Variants in AP3S1 observed in about 807,000 individuals in gnomAD.
The protein encoded by AP3S1 is AP-3 complex subunit sigma-1.
A neutral mutation model predicts 21.3 loss-of-function variants in AP3S1; 12 were observed. The ratio of observed to expected loss-of-function variants is 0.56; its 90% CI spans 0.36 to 0.91. The LOEUF (loss-of-function observed/expected upper bound fraction) is 0.91, where lower values mean the gene tolerates loss of function less well. Ranked by LOEUF, AP3S1 falls within the 40% of genes least tolerant of loss-of-function variation. AP3S1 has a pLI of 0.01. For missense variants in AP3S1, 116 were observed against 225.0 expected (o/e 0.52, Z 3.10); for synonymous variants, 48 against 78.4 (o/e 0.61, Z 2.05).
intron 3 of AP3S1, among the ~76,000 whole-genome samples, chr5:115,871,122 G>A (rs557079559): frequency 9.2e-5 from 14 of 152,278 alleles, no homozygotes; most frequent in Admixed American, 7.8e-4. Context: ...AAGAGTGTAA[G>A]GAAACCTATC....
intron 1 of AP3S1, among the ~76,000 whole-genome samples, chr5:115,861,461 G>C (rs1380919787): frequency 6.6e-6 from 1 of 152,182 alleles, no homozygotes; most frequent in African/African-American, 2.4e-5. Context: ...AAGTAACACG[G>C]CTTGCACATC....
chr5:115,882,894 C>G (rs1165405386), intron 3 of AP3S1, among the ~76,000 whole-genome samples: 1 of 152,182 alleles, frequency 6.6e-6, no homozygotes, highest in African/African-American at 2.4e-5. Context: ...CAGAGATGCC[C>G]TGCTCAGAGA....
At chr5:115,867,245 G>A (rs1763707460) in intron 2 of AP3S1, among the ~76,000 whole-genome samples, 1 of 152,060 alleles carries the variant, frequency 6.6e-6, no homozygotes, top group East Asian at 1.9e-4. Flanking sequence ...ACACATCTAG[G>A]ACAAGCTTAT....
At chr5:115,877,376 G>A (rs192324845) in intron 3 of AP3S1, among the ~76,000 whole-genome samples, 4 of 151,996 alleles carry the variant, frequency 2.6e-5, no homozygotes, top group Admixed American at 6.6e-5. Flanking sequence ...GACAAGTCCC[G>A]GTGTGTGATG....
At chr5:115,869,330 C>T (rs1260696080) in intron 2 of AP3S1, among the ~76,000 whole-genome samples, 1 of 151,882 alleles carries the variant, frequency 6.6e-6, no homozygotes, top group Non-Finnish European at 1.5e-5. Flanking sequence ...TGTCATTCTT[C>T]TTTTTTTTCT....
intron 3 of AP3S1, among the ~76,000 whole-genome samples, chr5:115,894,410 C>T (rs1750569918): frequency 6.6e-6 from 1 of 152,090 alleles, no homozygotes; most frequent in South Asian, 2.1e-4. Flanking sequence ...ACAGCATGGC[C>T]CAAGACCTCC....
intron 3 of AP3S1, among the ~76,000 whole-genome samples, chr5:115,880,188 A>C (rs1030776665): frequency 6.6e-6 from 1 of 151,952 alleles, no homozygotes; most frequent in South Asian, 2.1e-4. Context: ...AGGGTTTTTC[A>C]TGTCTCTGTC....
intron 1 of AP3S1, among the ~76,000 whole-genome samples, chr5:115,864,533 G>A (rs1029482940): frequency 1.3e-5 from 2 of 152,116 alleles, no homozygotes; most frequent in African/African-American, 4.8e-5. Flanking sequence ...AGTCTGGAAG[G>A]GTGACATCAT....
intron 3 of AP3S1, among the ~76,000 whole-genome samples, chr5:115,885,446 T>C (rs1268646031): frequency 2.0e-5 from 3 of 152,208 alleles, no homozygotes; most frequent in Non-Finnish European, 2.9e-5. Flanking sequence ...CTGAAGAACC[T>C]GGAGTCTGAT....
intron 3 of AP3S1, among the ~76,000 whole-genome samples, chr5:115,893,334 T>TA (rs1750479581): frequency 6.6e-6 from 1 of 152,152 alleles, no homozygotes; most frequent in African/African-American, 2.4e-5. Flanking sequence ...GGATGTAGCA[T>TA]ATAGACCATT....
At chr5:115,853,486 C>G (rs988610003) in intron 1 of AP3S1, among the ~76,000 whole-genome samples, 1 of 152,106 alleles carries the variant, frequency 6.6e-6, no homozygotes, top group African/African-American at 2.4e-5. Context: ...TCTAGTTTAT[C>G]TCTTTTTTTC....
At chr5:115,886,276 G>T (rs971476818) in intron 3 of AP3S1, among the ~76,000 whole-genome samples, 1 of 151,996 alleles carries the variant, frequency 6.6e-6, no homozygotes, top group Admixed American at 6.6e-5. Context: ...GAACTGTGTG[G>T]GTCAACTTAT....
chr5:115,849,424 T>C (rs1762281493), intron 1 of AP3S1, among the ~76,000 whole-genome samples: 1 of 152,144 alleles, frequency 6.6e-6, no homozygotes, highest in Non-Finnish European at 1.5e-5. Flanking sequence ...GTCCCTCAAA[T>C]GGGACCACAC....
chr5:115,885,313 A>G (rs1749683953), intron 3 of AP3S1, among the ~76,000 whole-genome samples: 1 of 152,170 alleles, frequency 6.6e-6, no homozygotes, highest in Non-Finnish European at 1.5e-5. Flanking sequence ...AGAAGCCAGT[A>G]GTGGCTCAGT....
intron 3 of AP3S1, among the ~76,000 whole-genome samples, chr5:115,874,310 A>G (rs1001757489): frequency 1.3e-5 from 2 of 152,014 alleles, no homozygotes; most frequent in African/African-American, 4.8e-5. Context: ...CTGTTGTAGC[A>G]TATTGTTATT....
intron 4 of AP3S1, among the ~76,000 whole-genome samples, chr5:115,897,911 C>T (rs2112556125): frequency 6.6e-6 from 1 of 152,198 alleles, no homozygotes; most frequent in East Asian, 1.9e-4. Context: ...TGCACACAAC[C>T]CTCAGACTGC....
At chr5:115,846,421 C>T (rs543230776) in intron 1 of AP3S1, among the ~76,000 whole-genome samples, 2 of 152,298 alleles carry the variant, frequency 1.3e-5, no homozygotes, top group African/African-American at 2.4e-5. Context: ...ACACACCACA[C>T]ACATATTAAG....
chr5:115,866,649 A>T (rs527938115), intron 1 of AP3S1, 21 bp from the exon 2 acceptor site: 13 of 1,517,298 alleles, frequency 8.6e-6, no homozygotes, highest in Admixed American at 1.8e-5. Flanking sequence ...ATCCTAATAT[A>T]TATGAATTAT....
Position 115,841,949 on chromosome 5 carries a change from G to T in AP3S1, c.-89G>T. 6.6e-7 allele frequency: 1 copy of T among 1,524,482 alleles called. No homozygotes were observed. Among genetic ancestry groups the T allele is most frequent in the Non-Finnish European group, 8.8e-7 (1 of 1,134,374 alleles). The allele number at this position is 1,524,482 out of a possible 1,614,324, so 94.4% of individuals were successfully genotyped here. A position where few individuals can be genotyped will look rare whatever the true frequency, so the allele number is the denominator to read the frequency against. On this transcript the variant is annotated 5_prime_UTR_variant, in exon 1 of 6. Transcript: ENST00000316788. ...TCGCGTGCGGGAGGGGGCGGGTGGG[G>T]AAGGATCGCAGGCGAGATTACGAGG...
Sources: gnomAD v4.1 joint callset for allele counts (sites outside exome capture counted in the v4.1 genomes callset) on GRCh38, gnomAD v4.1.1 for gene constraint, MANE v1.5 for transcripts, NCBI Gene and HGNC (gene_info 2026-07-23, HGNC 2026-07-21) for gene names.